Variants in ALK observed in about 807,000 individuals in gnomAD.
The protein encoded by ALK is ALK receptor tyrosine kinase.
A neutral mutation model predicts 163.1 loss-of-function variants in ALK; 74 were observed. The ratio of observed to expected loss-of-function variants is 0.45; its 90% CI spans 0.38 to 0.55. ALK has a LOEUF of 0.55. Ranked by LOEUF, ALK falls within the 20% of genes least tolerant of loss-of-function variation. The pLI is 0.00. For synonymous variants in ALK, 960 were observed against 843.2 expected (o/e 1.14, Z -2.40); for missense variants, 2,063 against 2,105.3 (o/e 0.98, Z 0.39).
intron 4 of ALK, among the ~76,000 whole-genome samples, chr2:29,395,616 C>A (rs1669284073): frequency 6.6e-6 from 1 of 152,242 alleles, no homozygotes; most frequent in African/African-American, 2.4e-5. Context: ...TCCCCCAAGG[C>A]AAGCCATAGA....
intron 19 of ALK, chr2:29,223,810 A>T (rs2148171962): frequency 3.9e-6 from 2 of 507,640 alleles, no homozygotes; most frequent in Non-Finnish European, 7.2e-6. Flanking sequence ...CAAGAAGCAG[A>T]CTGGAGATGG....
intron 5 of ALK, among the ~76,000 whole-genome samples, chr2:29,356,967 AC>A (rs1333578619): frequency 6.6e-6 from 1 of 152,214 alleles, no homozygotes; most frequent in African/African-American, 2.4e-5. Context: ...CCCAAGTCCC[AC>A]CCTCTGGGGC....
chr2:29,620,567 G>T (rs1365994921), intron 3 of ALK, among the ~76,000 whole-genome samples: 1 of 151,958 alleles, frequency 6.6e-6, no homozygotes, highest in Non-Finnish European at 1.5e-5. Context: ...CGGAGTCGGG[G>T]CCCTGGATTC....
At chr2:29,720,713 A>C (rs771323420) in intron 1 of ALK, among the ~76,000 whole-genome samples, 1 of 152,240 alleles carries the variant, frequency 6.6e-6, no homozygotes, top group Non-Finnish European at 1.5e-5. Context: ...TAACAAGTAC[A>C]GGGTCAAGAC....
chr2:29,590,872 C>T (rs1165106652), intron 3 of ALK, among the ~76,000 whole-genome samples: 4 of 151,628 alleles, frequency 2.6e-5, no homozygotes, highest in African/African-American at 9.7e-5. Context: ...GAGATCGAGA[C>T]CATCTTGGCT....
chr2:29,649,312 T>C (rs1676974590), intron 3 of ALK, among the ~76,000 whole-genome samples: 1 of 151,928 alleles, frequency 6.6e-6, no homozygotes, highest in Non-Finnish European at 1.5e-5. Context: ...CCGTATTGAC[T>C]CTGAGACCCT....
intron 1 of ALK, among the ~76,000 whole-genome samples, chr2:29,830,543 A>G (rs1226727195): frequency 6.6e-6 from 1 of 151,944 alleles, no homozygotes; most frequent in Non-Finnish European, 1.5e-5. Flanking sequence ...ATCCAGTGCC[A>G]ATAGCACCAG....
intron 3 of ALK, among the ~76,000 whole-genome samples, chr2:29,638,050 G>A (rs952003069): frequency 7.2e-5 from 11 of 152,008 alleles, no homozygotes; most frequent in African/African-American, 2.7e-4. Context: ...GAGCTTTTTA[G>A]AGGGCTGTGG....
At chr2:29,763,785 C>G (rs1203605081) in intron 1 of ALK, among the ~76,000 whole-genome samples, 1 of 152,126 alleles carries the variant, frequency 6.6e-6, no homozygotes, top group Non-Finnish European at 1.5e-5. Flanking sequence ...ACTCATGTCC[C>G]CTAACCCTAG....
intron 5 of ALK, among the ~76,000 whole-genome samples, chr2:29,348,975 C>T (rs1174707230): frequency 6.6e-6 from 1 of 152,222 alleles, no homozygotes; most frequent in Non-Finnish European, 1.5e-5. Flanking sequence ...GTGGTTTATC[C>T]TAAGACTCAG....
At chr2:29,685,102 A>G (rs1678197149) in intron 3 of ALK, among the ~76,000 whole-genome samples, 1 of 152,174 alleles carries the variant, frequency 6.6e-6, no homozygotes, top group Non-Finnish European at 1.5e-5. Flanking sequence ...GTGGCTGGAG[A>G]AGCACTTTAC....
intron 1 of ALK, among the ~76,000 whole-genome samples, chr2:29,739,487 G>A (rs1679990903): frequency 6.6e-6 from 1 of 151,180 alleles, no homozygotes; most frequent in Admixed American, 6.6e-5. Flanking sequence ...GAGCCCGGGA[G>A]GCAGAGATTG....
At chr2:29,354,274 G>C (rs1211929340) in intron 5 of ALK, among the ~76,000 whole-genome samples, 1 of 152,216 alleles carries the variant, frequency 6.6e-6, no homozygotes, top group East Asian at 1.9e-4. Context: ...TCTCTGCGCT[G>C]CGTGACTCCT....
intron 4 of ALK, among the ~76,000 whole-genome samples, chr2:29,499,466 G>T (rs1165694502): frequency 6.6e-6 from 1 of 152,154 alleles, no homozygotes; most frequent in African/African-American, 2.4e-5. Flanking sequence ...AAAGTGTTGG[G>T]ATTACAGGTA....
intron 4 of ALK, among the ~76,000 whole-genome samples, chr2:29,461,369 G>T (rs533062195): frequency 8.5e-5 from 13 of 152,316 alleles, no homozygotes; most frequent in Non-Finnish European, 1.3e-4. Flanking sequence ...TCTATTGAAA[G>T]ATGCCATCTA....
At chr2:29,547,060 G>A (rs898708841) in intron 3 of ALK, among the ~76,000 whole-genome samples, 21 of 152,242 alleles carry the variant, frequency 1.4e-4, no homozygotes, top group Admixed American at 3.9e-4. Context: ...TTCATTTTTC[G>A]GAAGAGTCAA....
intron 3 of ALK, among the ~76,000 whole-genome samples, chr2:29,560,244 C>T (rs1208683877): frequency 6.6e-6 from 1 of 152,112 alleles, no homozygotes; most frequent in Admixed American, 6.6e-5. Context: ...GTGGTATATC[C>T]ATGCAATGGA....
chr2:29,545,017 A>G (rs1458155558), intron 3 of ALK, among the ~76,000 whole-genome samples: 1 of 152,190 alleles, frequency 6.6e-6, no homozygotes, highest in Non-Finnish European at 1.5e-5. Flanking sequence ...CCTGTCCATG[A>G]TAGAAATCTA....
At chr2:29,878,675 A>G (rs1666782608) in intron 1 of ALK, among the ~76,000 whole-genome samples, 1 of 152,186 alleles carries the variant, frequency 6.6e-6, no homozygotes. Context: ...GCCAATTACT[A>G]TGATAAAGGA....
Sources: allele counts gnomAD v4.1 joint callset (sites outside exome capture counted in the v4.1 genomes callset), GRCh38; gene constraint gnomAD v4.1.1; transcripts MANE v1.5; gene names NCBI Gene and HGNC (gene_info 2026-07-23, HGNC 2026-07-21).